Variants in KIFAP3 observed in about 807,000 individuals in gnomAD.
KIFAP3 encodes kinesin associated protein 3.
Under a neutral mutation model 106.5 loss-of-function variants are expected in KIFAP3, and 68 were observed. The observed-to-expected ratio is 0.64, with a 90% CI of 0.53 to 0.78. The LOEUF (loss-of-function observed/expected upper bound fraction) is 0.78, where lower values mean the gene tolerates loss of function less well. Among genes scored for constraint, KIFAP3 ranks in the 30% least tolerant of loss-of-function variants. The pLI is 0.00. For missense variants in KIFAP3, 780 were observed against 941.8 expected (o/e 0.83, Z 2.25); for synonymous variants, 320 against 311.5 (o/e 1.03, Z -0.29).
At chr1:170,044,177 T>C (rs1470165510) in intron 3 of KIFAP3, among the ~76,000 whole-genome samples, 2 of 152,216 alleles carry the variant, frequency 1.3e-5, no homozygotes, top group East Asian at 3.8e-4. Context: ...TATAGGATTT[T>C]TGTAAAGTAA....
chr1:170,077,413 GAATA>G (rs1450023241), upstream of KIFAP3, among the ~76,000 whole-genome samples: 1 of 152,128 alleles, frequency 6.6e-6, no homozygotes, highest in Non-Finnish European at 1.5e-5. Flanking sequence ...GAGAATGAAT[GAATA>G]CATTTGAAAT....
At chr1:170,033,805 G>T (rs1467550169) in intron 7 of KIFAP3, among the ~76,000 whole-genome samples, 1 of 151,796 alleles carries the variant, frequency 6.6e-6, no homozygotes, top group Non-Finnish European at 1.5e-5. Context: ...AATAGCATTT[G>T]CCAGGGAAGT....
chr1:169,965,523 T>C (rs1161611608), intron 17 of KIFAP3, among the ~76,000 whole-genome samples: 1 of 152,030 alleles, frequency 6.6e-6, no homozygotes, highest in African/African-American at 2.4e-5. Context: ...AAAATATCCT[T>C]AAACTACATT....
intron 19 of KIFAP3, among the ~76,000 whole-genome samples, chr1:169,935,413 C>G (rs1484767807): frequency 6.6e-6 from 1 of 151,972 alleles, no homozygotes; most frequent in Non-Finnish European, 1.5e-5. Context: ...TAGTTTCTGA[C>G]AGCCCAGTAG....
chr1:170,059,671 C>G (rs1232548192), intron 1 of KIFAP3, among the ~76,000 whole-genome samples: 1 of 152,130 alleles, frequency 6.6e-6, no homozygotes, highest in Non-Finnish European at 1.5e-5. Flanking sequence ...TTTTATGAGG[C>G]CTGCATCATC....
At position 169,983,330 on chromosome 1, in the gene KIFAP3, CAATGGAT is replaced by C; in HGVS notation, c.1439_1445del (p.Asp480GlyfsTer2). 6.2e-7 allele frequency: 1 copy of C among 1,609,744 alleles called. No individual in the cohort carries two copies. Among genetic ancestry groups the C allele is most frequent in the Non-Finnish European group, 8.5e-7 (1 of 1,177,888 alleles). On this transcript the variant is annotated frameshift_variant, in exon 13 of 20. Transcript: ENST00000361580. LOFTEE classifies it high-confidence loss of function. ...AAATGTTTCTAATCATTTTCATCAGCAATGGATCCTTAAACTTCAGAGCCCTCTTCAT... is the reference window on the plus strand; with the variant it reads ...AAATGTTTCTAATCATTTTCATCAGCCCTTAAACTTCAGAGCCCTCTTCAT...
At chr1:170,044,168 A>G (rs1176024776) in intron 3 of KIFAP3, among the ~76,000 whole-genome samples, 1 of 152,212 alleles carries the variant, frequency 6.6e-6, no homozygotes, top group Non-Finnish European at 1.5e-5. Flanking sequence ...AAATGTTTAT[A>G]TAGGATTTTT....
At chr1:170,007,495 C>T (rs766297416) in intron 10 of KIFAP3, among the ~76,000 whole-genome samples, 1 of 151,708 alleles carries the variant, frequency 6.6e-6, no homozygotes, top group Admixed American at 6.6e-5. Context: ...AAAGAAGTGA[C>T]AGTGAAAAAT....
At chr1:170,014,612 TGCTTAGC>T (rs1358087981) in intron 10 of KIFAP3, among the ~76,000 whole-genome samples, 1 of 152,186 alleles carries the variant, frequency 6.6e-6, no homozygotes, top group Admixed American at 6.5e-5. Flanking sequence ...TTCTCTATAG[TGCTTAGC>T]GCTGTGCTTT....
intron 1 of KIFAP3, among the ~76,000 whole-genome samples, chr1:170,083,345 C>T (rs551423141): frequency 8.5e-5 from 13 of 152,254 alleles, no homozygotes; most frequent in South Asian, 2.1e-4. Context: ...ATCTCCCAAA[C>T]GGGTTATAAA....
intron 10 of KIFAP3, among the ~76,000 whole-genome samples, chr1:169,993,651 GT>G (rs879426197): frequency 1 from 54,406 of 54,452 alleles, 27,193 homozygotes; most frequent in Middle Eastern, 1. Flanking sequence ...TACCCAGAAG[GT>G]GAGGCTTGCA....
chr1:170,060,889 T>G (rs1671113608), intron 1 of KIFAP3, among the ~76,000 whole-genome samples: 1 of 152,126 alleles, frequency 6.6e-6, no homozygotes, highest in Non-Finnish European at 1.5e-5. Flanking sequence ...TTGACAAATC[T>G]GACAAAAACA....
intron 13 of KIFAP3, 82 bp from the exon 14 acceptor site, chr1:169,982,949 C>A (rs1666606783): frequency 1.3e-6 from 1 of 793,236 alleles, no homozygotes; most frequent in Non-Finnish European, 1.8e-6. Context: ...CAATTTAACT[C>A]ATTGAAAGAA....
intron 1 of KIFAP3, among the ~76,000 whole-genome samples, chr1:170,064,343 C>G (rs1304894277): frequency 6.6e-6 from 1 of 152,066 alleles, no homozygotes; most frequent in Admixed American, 6.6e-5. Flanking sequence ...TCTAAAGTTT[C>G]CTCATTTACT....
intron 17 of KIFAP3, among the ~76,000 whole-genome samples, chr1:169,964,178 T>C (rs1252677601): frequency 2.0e-5 from 3 of 151,128 alleles, no homozygotes; most frequent in Non-Finnish European, 4.4e-5. Flanking sequence ...CAAAAGGAGA[T>C]AATACATATA....
At chr1:169,933,407 G>T (rs777720422) in intron 19 of KIFAP3, among the ~76,000 whole-genome samples, 1 of 151,950 alleles carries the variant, frequency 6.6e-6, no homozygotes, top group Non-Finnish European at 1.5e-5. Flanking sequence ...TGGTCCTTAA[G>T]ACTATATTTA....
intron 19 of KIFAP3, among the ~76,000 whole-genome samples, chr1:169,942,063 G>A (rs1354811252): frequency 6.6e-6 from 1 of 152,120 alleles, no homozygotes; most frequent in Non-Finnish European, 1.5e-5. Flanking sequence ...ACTCTAAGAA[G>A]AGCTCTTATA....
At chr1:169,929,517 AG>A (rs1043526845) in intron 19 of KIFAP3, among the ~76,000 whole-genome samples, 7 of 152,246 alleles carry the variant, frequency 4.6e-5, no homozygotes, top group African/African-American at 1.7e-4. Context: ...AGTTGCTCAA[AG>A]GTATTACTCA....
chr1:170,035,373 G>A, intron 6 of KIFAP3, 81 bp downstream of exon 6: 1 of 769,474 alleles, frequency 1.3e-6, no homozygotes, highest in Non-Finnish European at 2.0e-6. Context: ...GAGAACAAGT[G>A]ATCTACAAAT....
Sources: gnomAD v4.1 joint callset for allele counts (sites outside exome capture counted in the v4.1 genomes callset) on GRCh38, gnomAD v4.1.1 for gene constraint, MANE v1.5 for transcripts, NCBI Gene and HGNC (gene_info 2026-07-23, HGNC 2026-07-21) for gene names.